Variants in PVT1 observed in about 807,000 individuals in gnomAD.
PVT1 encodes the protein CXCR4/PVT1 fusion.
chr8:128,055,698 G>C (rs1229451467), intron 4 of PVT1, among the ~76,000 whole-genome samples: 1 of 152,228 alleles, frequency 6.6e-6, no homozygotes, highest in Admixed American at 6.5e-5. Context: ...TCGGTGTGTG[G>C]CTGCATTAAA....
intron 4 of PVT1, among the ~76,000 whole-genome samples, chr8:128,031,896 C>T (rs1813395123): frequency 6.6e-6 from 1 of 152,144 alleles, no homozygotes; most frequent in South Asian, 2.1e-4. Flanking sequence ...CACTGGTCCA[C>T]CTTGCTCCCC....
At chr8:128,022,474 C>T (rs1817449267) in intron 4 of PVT1, among the ~76,000 whole-genome samples, 1 of 152,182 alleles carries the variant, frequency 6.6e-6, no homozygotes, top group South Asian at 2.1e-4. Flanking sequence ...GCTAGATCTC[C>T]ACCTGGGTCA....
intron 3 of PVT1, among the ~76,000 whole-genome samples, chr8:127,962,068 G>C (rs113643240): frequency 2.6e-5 from 4 of 152,244 alleles, no homozygotes; most frequent in Admixed American, 2.6e-4. Context: ...TCCGCCTCTG[G>C]GGTTCAAGCG....
chr8:127,958,798 A>G (rs1462529902), intron 3 of PVT1, among the ~76,000 whole-genome samples: 2 of 152,188 alleles, frequency 1.3e-5, no homozygotes, highest in Admixed American at 1.3e-4. Context: ...GTTGTACGGA[A>G]TAACAATAGT....
At chr8:127,916,907 G>A (rs955472966) in intron 3 of PVT1, among the ~76,000 whole-genome samples, 7 of 152,294 alleles carry the variant, frequency 4.6e-5, no homozygotes, top group Admixed American at 3.3e-4. Flanking sequence ...CGTGAGTATC[G>A]TTTCGGTTCT....
intron 5 of PVT1, among the ~76,000 whole-genome samples, chr8:128,090,596 G>T (rs760353974): frequency 6.6e-6 from 1 of 152,104 alleles, no homozygotes; most frequent in Non-Finnish European, 1.5e-5. Context: ...GAAGTCAGAG[G>T]TTCAGGGAGG....
At chr8:127,919,625 A>G (rs1231462091) in intron 3 of PVT1, among the ~76,000 whole-genome samples, 2 of 152,322 alleles carry the variant, frequency 1.3e-5, no homozygotes, top group Admixed American at 6.5e-5. Flanking sequence ...CGCTGGACTG[A>G]GAGCCCAGAG....
rs1458028652 is a variant in PVT1, at chr8:127,898,943, C to G, written n.782+7945C>G. Among the ~76,000 whole-genome samples, 2 of 151,972 alleles carry G rather than the reference C, an allele frequency of 1.3e-5. No individual in the cohort carries two copies. Among genetic ancestry groups the G allele is most frequent in the South Asian group, 2.1e-4 (1 of 4,820 alleles). ...GGAAGTGCAATGGACACCCCCACCC[C>G]CCGTTGACTTATCTGGCTCCAACCG... is the stretch of plus-strand genomic sequence containing the variant. On this transcript the variant is annotated intron_variant and non_coding_transcript_variant, in intron 3 of 10. Coordinates refer to ENST00000651587, the Ensembl canonical transcript of PVT1. The surrounding 1 kb of genome is among the most constrained non-coding windows in gnomAD (Gnocchi z 4.4).
Position 127,834,555 on chromosome 8 carries a change from C to T in PVT1, n.372+38484C>T, listed in dbSNP as rs149097489. The stretch of plus-strand genomic sequence containing the variant: ...ACACCAAAAGCAATGGCAACAAAAG[C>T]CAGAATTGACAAATGGGATCTAATT... On this transcript the variant is annotated intron_variant and non_coding_transcript_variant, in intron 2 of 10. Coordinates refer to ENST00000651587, the Ensembl canonical transcript of PVT1. Among the ~76,000 whole-genome samples, 1,156 of 152,148 alleles carry T rather than the reference C, an allele frequency of 7.6e-3. 15 individuals carry two copies. The highest frequency in any genetic ancestry group is 0.026 in the African/African-American group (1,094 of 41,516).
chr8:127,902,973 A>G (rs767624757), intron 3 of PVT1, among the ~76,000 whole-genome samples: 1 of 152,134 alleles, frequency 6.6e-6, no homozygotes, highest in Admixed American at 6.5e-5. Context: ...TGGTGGGTTA[A>G]ATGGTAGTTC....
In PVT1 at chr8:127,868,784, T is replaced by TATACACGTATATATATATGTATATAC. The variant is rs1563625664; in HGVS notation, n.373-21802_373-21801insCACGTATATATATATGTATATACATA. Reference sequence around the variant, plus strand: ...CTTCCTTTTAACATATATATATATATATATATATACATATATATGTACATA... The same window carrying TATACACGTATATATATATGTATATAC: ...CTTCCTTTTAACATATATATATATATATACACGTATATATATATGTATATACATATATATACATATATATGTACATA... On this transcript the variant is annotated intron_variant and non_coding_transcript_variant, in intron 2 of 10. Transcript: ENST00000651587. Among the ~76,000 whole-genome samples the TATACACGTATATATATATGTATATAC allele has an allele frequency of 9.6e-4, 81 of 84,080 alleles. 2 individuals are homozygous for TATACACGTATATATATATGTATATAC. The highest frequency in any genetic ancestry group is 6.3e-3 in the African/African-American group (78 of 12,396). The allele number at this position is 84,080 out of a possible 152,430, so 55.2% of individuals were successfully genotyped here. A position where few individuals can be genotyped will look rare whatever the true frequency, so the allele number is the denominator to read the frequency against.
chr8:128,018,569 TGGAAAG>T (rs1817399595), intron 4 of PVT1, among the ~76,000 whole-genome samples: 1 of 152,190 alleles, frequency 6.6e-6, no homozygotes, highest in South Asian at 2.1e-4. Context: ...ACGTTCCAGA[TGGAAAG>T]TCTCGTCTTC....
At chr8:127,978,511 C>T (rs948659735) in intron 3 of PVT1, among the ~76,000 whole-genome samples, 4 of 149,504 alleles carry the variant, frequency 2.7e-5, no homozygotes, top group African/African-American at 4.9e-5. Context: ...AACGGAGTCT[C>T]GCTCTGTTGC....
chr8:127,922,811 CT>C (rs982757984), intron 3 of PVT1, among the ~76,000 whole-genome samples: 23 of 152,326 alleles, frequency 1.5e-4, no homozygotes, highest in African/African-American at 5.5e-4. Context: ...ACCATAATGC[CT>C]TCTGGCAATT....
chr8:127,885,875 A>C (rs558533796), intron 2 of PVT1, among the ~76,000 whole-genome samples: 2 of 152,190 alleles, frequency 1.3e-5, no homozygotes, highest in African/African-American at 4.8e-5. Context: ...GGCTGTTTAG[A>C]TACTTGAGCT....
At position 128,068,163 on chromosome 8, in the gene PVT1, G is replaced by C. The variant is rs1325160994; in HGVS notation, n.913-1997G>C. ...AGTGGACGTGAGATTTTTTTTTTCTGTTTTGCAGTTTTTTACACAAACATT... is the reference window on the plus strand; with the variant it reads ...AGTGGACGTGAGATTTTTTTTTTCTCTTTTGCAGTTTTTTACACAAACATT... On this transcript the variant is annotated intron_variant and non_coding_transcript_variant, in intron 4 of 10. Transcript: ENST00000651587. 2.7e-5 allele frequency among the ~76,000 whole-genome samples: 4 copies of C among 150,594 alleles called. No individual in the cohort carries two copies. In the East Asian group the frequency reaches 5.8e-4, roughly 22 times the overall value.
chr8:127,984,875 T>TTCTTTCTTTCTTTC (rs1563657460), intron 3 of PVT1, among the ~76,000 whole-genome samples: 11 of 86,158 alleles, frequency 1.3e-4, no homozygotes, highest in East Asian at 6.3e-4. Flanking sequence ...CTTTCTTTCT[T>TTCTTTCTTTCTTTC]TCTTTCTTTC....
intron 4 of PVT1, among the ~76,000 whole-genome samples, chr8:128,034,062 CT>C (rs79313778): frequency 8.0e-3 from 1,128 of 140,608 alleles, no homozygotes; most frequent in African/African-American, 0.012. Context: ...ACTTCTGCAC[CT>C]TTTTTTTTTT....
intron 3 of PVT1, among the ~76,000 whole-genome samples, chr8:127,974,714 C>G (rs1049865210): frequency 1.3e-5 from 2 of 152,194 alleles, no homozygotes; most frequent in Non-Finnish European, 2.9e-5. Context: ...CTGCACCCAG[C>G]CCATCATCAT....
Sources: allele counts gnomAD v4.1 joint callset (sites outside exome capture counted in the v4.1 genomes callset), GRCh38; gene constraint gnomAD v4.1.1; non-coding constraint Gnocchi (gnomAD v3.1); transcripts MANE v1.5; gene names NCBI Gene and HGNC (gene_info 2026-07-23, HGNC 2026-07-21).